The following AAK1 variants were observed in gnomAD, a reference collection of about 807,000 sequenced individuals.
AAK1 encodes AP2-associated protein kinase 1.
Under a neutral mutation model 116.0 loss-of-function variants are expected in AAK1, and 37 were observed. The observed-to-expected ratio is 0.32, with a 90% CI of 0.25 to 0.42. The LOEUF (loss-of-function observed/expected upper bound fraction) is 0.42. Among genes scored for constraint, AAK1 ranks in the 10% least tolerant of loss-of-function variants. The pLI is 1.00. For missense variants in AAK1, 919 were observed against 1,170.6 expected (o/e 0.79, Z 3.14); for synonymous variants, 458 against 439.9 (o/e 1.04, Z -0.51).
intron 2 of AAK1, among the ~76,000 whole-genome samples, chr2:69,631,884 G>A (rs1675194807): frequency 6.6e-6 from 1 of 152,166 alleles, no homozygotes; most frequent in African/African-American, 2.4e-5. Flanking sequence ...GGAGGCTGAG[G>A]TGGAAGGATC....
At chr2:69,520,331 G>GC (rs1669711178) in intron 11 of AAK1, among the ~76,000 whole-genome samples, 1 of 151,194 alleles carries the variant, frequency 6.6e-6, no homozygotes, top group African/African-American at 2.4e-5. Context: ...CTCTCCTTTT[G>GC]CCAGCCATTT....
intron 2 of AAK1, among the ~76,000 whole-genome samples, chr2:69,632,700 C>T (rs1316633012): frequency 2.0e-5 from 3 of 152,122 alleles, no homozygotes; most frequent in African/African-American, 4.8e-5. Flanking sequence ...AGATCGAGAC[C>T]ATCCTGGCTA....
In AAK1 at chr2:69,519,223, C is replaced by T. The variant is rs747341408; in HGVS notation, c.1228G>A (p.Gly410Ser). The T allele has an allele frequency of 6.3e-7, 1 of 1,582,484 alleles. No individual in the cohort carries two copies. The highest frequency in any genetic ancestry group is 8.6e-7 in the Non-Finnish European group (1 of 1,164,012). ...PQAAGSSNQP[G>S]LLASVPQPKP... is the part of the protein sequence containing the mutation. ...GGTTGGGGAACACTGGCTAAAAGGC[C>T]AGGCTGATTGCTGGATCCTGCAATG... is the stretch of plus-strand genomic sequence containing the variant. The change falls in exon 12 of 22, where the codon GGC (glycine) becomes AGC (serine). Residue 410 changes from glycine to serine, a missense_variant. Gly to Ser is a moderately conservative substitution (Grantham distance 56). This residue lies in a region of AAK1 where 214 missense variants were observed against 210.6 expected (regional missense o/e 1.02). Coordinates refer to ENST00000409085, the MANE Select transcript of AAK1 (RefSeq NM_014911.5).
intron 17 of AAK1, among the ~76,000 whole-genome samples, chr2:69,492,518 CTTTT>C (rs987331929): frequency 1.2e-5 from 1 of 83,400 alleles, no homozygotes. Context: ...CTGGCCAATT[CTTTT>C]TTTTTTTTTT....
chr2:69,515,394 C>T (rs1292395126), intron 12 of AAK1, among the ~76,000 whole-genome samples: 5 of 152,046 alleles, frequency 3.3e-5, no homozygotes, highest in African/African-American at 9.7e-5. Flanking sequence ...CAAGCAATCT[C>T]GGCTCACTGC....
At chr2:69,484,000 G>A (rs1296414821) in intron 17 of AAK1, among the ~76,000 whole-genome samples, 3 of 152,188 alleles carry the variant, frequency 2.0e-5, no homozygotes, top group Admixed American at 6.5e-5. Context: ...CTTATAGGAA[G>A]AAGGGAATTT....
rs1022771756 is a variant in AAK1, at chr2:69,507,652, C to G, written c.2007-74G>C. On this transcript the variant is annotated intron_variant, in intron 14 of 21. Transcript: ENST00000409085. ...AAAACAAAAAGGGTCAACTTATTTT[C>G]TCTGTTTCAGAATCAAATTATTTTC... 6.1e-6 allele frequency: 8 copies of G among 1,310,440 alleles called. No homozygotes were observed. The Admixed American group carries it at 2.2e-4, about 37-fold the overall frequency. 81.2% of individuals were successfully genotyped at this position (1,310,440 alleles called of 1,614,324 possible).
intron 17 of AAK1, among the ~76,000 whole-genome samples, chr2:69,489,388 T>C (rs1175161350): frequency 6.7e-6 from 1 of 149,598 alleles, no homozygotes; most frequent in African/African-American, 2.5e-5. Flanking sequence ...GAGGCAGAGG[T>C]TGCAGCAAGC....
intron 2 of AAK1, among the ~76,000 whole-genome samples, chr2:69,618,504 C>T (rs2105231669): frequency 6.6e-6 from 1 of 152,268 alleles, no homozygotes; most frequent in Non-Finnish European, 1.5e-5. Context: ...TAGCTTAGCG[C>T]AGGAGGTCAG....
chr2:69,511,242 G>C (rs1676383725), intron 13 of AAK1, among the ~76,000 whole-genome samples: 1 of 152,190 alleles, frequency 6.6e-6, no homozygotes, highest in Non-Finnish European at 1.5e-5. Flanking sequence ...AAGGAAACTA[G>C]ACTATCCAGC....
At chr2:69,548,433 TTTTC>T (rs1265837772) in intron 3 of AAK1, among the ~76,000 whole-genome samples, 9 of 152,080 alleles carry the variant, frequency 5.9e-5, no homozygotes, top group Admixed American at 3.9e-4. Context: ...TTTTCTTTCG[TTTTC>T]TTTGTTTTTT....
chr2:69,510,240 C>T (rs1676342364), intron 13 of AAK1, among the ~76,000 whole-genome samples: 1 of 152,180 alleles, frequency 6.6e-6, no homozygotes, highest in South Asian at 2.1e-4. Context: ...TGTTGTTTCC[C>T]TCTTTGCGTC....
rs530193892 is a variant in AAK1 at position 69,460,087 on chromosome 2, C to T, written c.*15782G>A. 2.5e-4 allele frequency: 38 copies of T among 152,312 alleles called. No individual in the cohort carries two copies. Among genetic ancestry groups the T allele is most frequent in the African/African-American group, 9.2e-4 (38 of 41,528 alleles). The allele number at this position is 152,312 out of a possible 1,614,324, so 9.4% of individuals were successfully genotyped here. Reference sequence around the variant, plus strand: ...GTCTTTTCTGCAGCTCTCTTATGTACCTCTCATCAAAATAATTTCAGTCCC... The same window carrying T: ...GTCTTTTCTGCAGCTCTCTTATGTATCTCTCATCAAAATAATTTCAGTCCC... On this transcript the variant is annotated 3_prime_UTR_variant, in exon 22 of 22. Coordinates refer to ENST00000409085, the MANE Select transcript of AAK1 (RefSeq NM_014911.5).
chr2:69,475,317 A>G lies in AAK1; in HGVS notation c.*552T>C. Reference sequence around the variant, plus strand: ...TCTTCTCAAATATATACTACCAGTCAGTAAGTTTTACCCTTTCTTAAACCA... The same window carrying G: ...TCTTCTCAAATATATACTACCAGTCGGTAAGTTTTACCCTTTCTTAAACCA... On this transcript the variant is annotated 3_prime_UTR_variant, in exon 22 of 22. Coordinates refer to ENST00000409085, the MANE Select transcript of AAK1 (RefSeq NM_014911.5). 1 of 986,172 alleles carries G rather than the reference A, an allele frequency of 1.0e-6. No individual in the cohort carries two copies. Among genetic ancestry groups the G allele is most frequent in the Non-Finnish European group, 1.2e-6 (1 of 830,296 alleles). The allele number at this position is 986,172 out of a possible 1,614,324, so 61.1% of individuals were successfully genotyped here.
chr2:69,483,036 C>T (rs1413733810), intron 17 of AAK1, among the ~76,000 whole-genome samples: 3 of 152,124 alleles, frequency 2.0e-5, no homozygotes, highest in African/African-American at 7.2e-5. Flanking sequence ...GTAAGGCATT[C>T]AAGATGCTGT....
intron 2 of AAK1, among the ~76,000 whole-genome samples, chr2:69,635,018 T>TA (rs944630413): frequency 1.3e-5 from 2 of 152,114 alleles, no homozygotes; most frequent in Non-Finnish European, 1.5e-5. Flanking sequence ...ATTTTCCAAG[T>TA]AAAAAGGCAA....
At chr2:69,476,454 C>T (rs1674861552) in intron 21 of AAK1, among the ~76,000 whole-genome samples, 1 of 152,112 alleles carries the variant, frequency 6.6e-6, no homozygotes, top group African/African-American at 2.4e-5. Flanking sequence ...GATTTTCCTC[C>T]ATCAAAGTTG....
chr2:69,572,834 C>T (rs6729699), intron 2 of AAK1, among the ~76,000 whole-genome samples: 5,986 of 151,998 alleles, frequency 0.039, 367 homozygotes, highest in African/African-American at 0.13. Context: ...TCAAGACATT[C>T]CTCCGGGTAA....
intron 2 of AAK1, among the ~76,000 whole-genome samples, chr2:69,587,981 T>C (rs1441577809): frequency 6.6e-6 from 1 of 152,076 alleles, no homozygotes; most frequent in Non-Finnish European, 1.5e-5. Context: ...CAGGCTGGTC[T>C]TGAACCCCTG....
Sources: allele counts gnomAD v4.1 joint callset (sites outside exome capture counted in the v4.1 genomes callset), GRCh38; gene constraint gnomAD v4.1.1; regional missense constraint gnomAD v4.1.1; transcripts MANE v1.5; gene names NCBI Gene and HGNC (gene_info 2026-07-23, HGNC 2026-07-21).